The following MACROD2 variants were observed in gnomAD, a reference collection of about 807,000 sequenced individuals.
MACROD2 encodes mono-ADP ribosylhydrolase 2.
Under a neutral mutation model 70.4 loss-of-function variants are expected in MACROD2, and 36 were observed. The observed-to-expected ratio is 0.51, with a 90% CI of 0.39 to 0.68. The LOEUF (loss-of-function observed/expected upper bound fraction) is 0.68. MACROD2 is among the 30% of genes least tolerant of loss of function. MACROD2 has a pLI of 0.00. For synonymous variants in MACROD2, 172 were observed against 178.8 expected (o/e 0.96, Z 0.30); for missense variants, 496 against 538.4 (o/e 0.92, Z 0.78).
chr20:14,336,899 C>CAG (rs1473454539), intron 3 of MACROD2, among the ~76,000 whole-genome samples: 3 of 152,210 alleles, frequency 2.0e-5, no homozygotes, highest in African/African-American at 7.2e-5. Context: ...TAATCCTTTA[C>CAG]AGAGGCACAT....
At chr20:15,965,662 C>A (rs1430113538) in intron 12 of MACROD2, among the ~76,000 whole-genome samples, 1 of 151,886 alleles carries the variant, frequency 6.6e-6, no homozygotes, top group Non-Finnish European at 1.5e-5. Context: ...GATCTATATA[C>A]CTTTTTAAAT....
chr20:15,666,282 G>A (rs1220414908), intron 8 of MACROD2, among the ~76,000 whole-genome samples: 1 of 152,160 alleles, frequency 6.6e-6, no homozygotes, highest in Non-Finnish European at 1.5e-5. Context: ...ACTCTAGAGA[G>A]GAGGAGATAT....
At chr20:15,172,531 C>T (rs981172480) in intron 5 of MACROD2, among the ~76,000 whole-genome samples, 32 of 152,238 alleles carry the variant, frequency 2.1e-4, no homozygotes, top group East Asian at 5.8e-4. Flanking sequence ...GGACTATTGG[C>T]GCCTGCCACA....
chr20:14,461,516 A>G (rs145477452), intron 3 of MACROD2, among the ~76,000 whole-genome samples: 1,875 of 149,114 alleles, frequency 0.013, 52 homozygotes, highest in African/African-American at 0.044. Context: ...TTTTTTTATT[A>G]TACTTTAAGT....
At chr20:15,354,828 A>G (rs2078268150) in intron 6 of MACROD2, among the ~76,000 whole-genome samples, 1 of 152,196 alleles carries the variant, frequency 6.6e-6, no homozygotes, top group Admixed American at 6.5e-5. Context: ...TATATTCATG[A>G]CACAAAATGA....
At chr20:15,228,995 G>T (rs1422590761) in intron 5 of MACROD2, among the ~76,000 whole-genome samples, 1 of 152,120 alleles carries the variant, frequency 6.6e-6, no homozygotes, top group African/African-American at 2.4e-5. Flanking sequence ...TTGATTAGTT[G>T]TTATGATTTA....
intron 15 of MACROD2, among the ~76,000 whole-genome samples, chr20:16,034,282 T>C (rs1346506256): frequency 1.3e-5 from 2 of 152,042 alleles, no homozygotes; most frequent in Non-Finnish European, 2.9e-5. Context: ...CGGTATAGTG[T>C]ACCGTGGACT....
chr20:14,167,512 T>C (rs2055284469), intron 3 of MACROD2, among the ~76,000 whole-genome samples: 1 of 151,986 alleles, frequency 6.6e-6, no homozygotes, highest in African/African-American at 2.4e-5. Context: ...GCTTTCCAAG[T>C]AGCTGGAATT....
intron 2 of MACROD2, among the ~76,000 whole-genome samples, chr20:14,024,876 A>T (rs189209994): frequency 1.8e-4 from 28 of 152,226 alleles, no homozygotes; most frequent in African/African-American, 6.3e-4. Context: ...CAGGATGATG[A>T]CTGTCCTCAT....
At chr20:15,772,930 T>C (rs1259004975) in intron 8 of MACROD2, among the ~76,000 whole-genome samples, 1 of 152,178 alleles carries the variant, frequency 6.6e-6, no homozygotes, top group Non-Finnish European at 1.5e-5. Flanking sequence ...GAACTCACTA[T>C]GACGAGGAGA....
intron 12 of MACROD2, among the ~76,000 whole-genome samples, chr20:15,966,992 G>A (rs966251998): frequency 1.3e-4 from 20 of 152,200 alleles, no homozygotes; most frequent in African/African-American, 3.9e-4. Flanking sequence ...AGTGTACAAC[G>A]ATTCCATGTT....
chr20:14,481,583 T>A (rs1301546950), intron 3 of MACROD2, among the ~76,000 whole-genome samples: 3 of 152,250 alleles, frequency 2.0e-5, no homozygotes, highest in Admixed American at 1.3e-4. Flanking sequence ...GACATTGGTG[T>A]TAACTGGATA....
At chr20:14,792,637 GA>G (rs1052223404) in intron 5 of MACROD2, among the ~76,000 whole-genome samples, 3 of 152,090 alleles carry the variant, frequency 2.0e-5, no homozygotes, top group African/African-American at 7.3e-5. Context: ...CCTGCACCTT[GA>G]AATGCTTTGA....
intron 13 of MACROD2, among the ~76,000 whole-genome samples, chr20:15,968,797 GTATATATATATATATATATATATATA>G (rs35259261): frequency 2.1e-4 from 22 of 106,810 alleles, no homozygotes; most frequent in South Asian, 1.0e-3. Context: ...TATATTATGC[GTATATATATATATATATATATATATA>G]TATATATATA....
At chr20:15,922,464 A>T (rs1003705143) in intron 10 of MACROD2, among the ~76,000 whole-genome samples, 2 of 152,238 alleles carry the variant, frequency 1.3e-5, no homozygotes, top group African/African-American at 4.8e-5. Context: ...ACATATATGT[A>T]ACATTTATAG....
At chr20:16,017,581 T>A (rs1006536720) in intron 15 of MACROD2, among the ~76,000 whole-genome samples, 1 of 152,200 alleles carries the variant, frequency 6.6e-6, no homozygotes, top group Non-Finnish European at 1.5e-5. Flanking sequence ...TTTCTCTCCC[T>A]CCTTCTCCAC....
chr20:15,206,730 T>TGTTTTTTTTTG (rs1568636193), intron 5 of MACROD2, among the ~76,000 whole-genome samples: 1 of 68,872 alleles, frequency 1.5e-5, no homozygotes, highest in African/African-American at 8.1e-5. Flanking sequence ...TGTTTTTTTT[T>TGTTTTTTTTTG]TTTTTTTTTT....
At chr20:14,512,798 G>T (rs957119546) in intron 4 of MACROD2, among the ~76,000 whole-genome samples, 3 of 152,062 alleles carry the variant, frequency 2.0e-5, no homozygotes, top group African/African-American at 7.2e-5. Flanking sequence ...CTTTGAAGGG[G>T]AAACACCTTT....
intron 11 of MACROD2, among the ~76,000 whole-genome samples, chr20:15,936,769 G>T (rs2065670680): frequency 6.6e-6 from 1 of 151,936 alleles, no homozygotes; most frequent in East Asian, 1.9e-4. Flanking sequence ...TTGAATGGGA[G>T]GGAGTAGGCT....
Sources: gnomAD v4.1 joint callset for allele counts (sites outside exome capture counted in the v4.1 genomes callset) on GRCh38, gnomAD v4.1.1 for gene constraint, MANE v1.5 for transcripts, NCBI Gene and HGNC (gene_info 2026-07-23, HGNC 2026-07-21) for gene names.